LYZL1: variants seen among roughly 807,000 people sequenced by gnomAD.
LYZL1 encodes lysozyme like 1.
LYZL1 carries 16 observed loss-of-function variants against 17.9 expected under a neutral mutation model. That is an observed-to-expected ratio of 0.90 (90% CI 0.61 to 1.36). The LOEUF (loss-of-function observed/expected upper bound fraction) is 1.36, where lower values mean the gene tolerates loss of function less well. Among genes scored for constraint, LYZL1 ranks in the 40% most tolerant of loss-of-function variants. The probability of loss-of-function intolerance (pLI) is 0.00; values close to 1 mark genes in which losing one functional copy is unlikely to be tolerated. For synonymous variants in LYZL1, 58 were observed against 71.8 expected, an observed-to-expected ratio of 0.81 and a Z score of 0.97; for missense variants, 149 against 188.4, an observed-to-expected ratio of 0.79 and a Z score of 1.22.
chr10:29,291,552 T>C (rs1292991280), intron 1 of LYZL1, among the ~76,000 whole-genome samples: 2 of 149,910 alleles, frequency 1.3e-5, no homozygotes, highest in African/African-American at 4.9e-5. Flanking sequence ...ATCCTAAAAA[T>C]GCCCCCTGTG....
At chr10:29,290,906 C>G (rs1485600667) in intron 1 of LYZL1, among the ~76,000 whole-genome samples, 1 of 152,112 alleles carries the variant, frequency 6.6e-6, no homozygotes, top group Non-Finnish European at 1.5e-5. Flanking sequence ...GGAACTGAAT[C>G]AAGAAAAGAA....
At chr10:29,289,317 G>T in intron 1 of LYZL1, 87 bp downstream of exon 1, 1 of 1,097,452 alleles carries the variant, frequency 9.1e-7, no homozygotes. Context: ...TCATTGCTGC[G>T]GGTTTTCTTT....
chr10:29,303,514 A>G (rs899828277), intron 3 of LYZL1, among the ~76,000 whole-genome samples: 1 of 152,206 alleles, frequency 6.6e-6, no homozygotes, highest in Non-Finnish European at 1.5e-5. Flanking sequence ...CTTTAAATGC[A>G]GATTACTAAT....
chr10:29,317,106 T>C (rs929719461), intron 3 of LYZL1, among the ~76,000 whole-genome samples: 1 of 152,146 alleles, frequency 6.6e-6, no homozygotes, highest in Non-Finnish European at 1.5e-5. Context: ...CGACACAAGA[T>C]TTTCCCCACA....
intron 3 of LYZL1, among the ~76,000 whole-genome samples, chr10:29,302,276 A>G (rs1171363662): frequency 6.6e-6 from 1 of 152,238 alleles, no homozygotes; most frequent in Non-Finnish European, 1.5e-5. Context: ...AACAAGAGAT[A>G]CACAGCAAAG....
downstream of LYZL1, chr10:29,311,357 C>A: frequency 2.8e-6 from 2 of 715,724 alleles, no homozygotes; most frequent in Non-Finnish European, 3.9e-6. Flanking sequence ...GTTTCTGTGG[C>A]CCTGAAACTG....
At chr10:29,315,375 G>C (rs139015210), downstream of LYZL1, among the ~76,000 whole-genome samples, 2,557 of 152,140 alleles carry the variant, frequency 0.017, 65 homozygotes, top group African/African-American at 0.057. Context: ...AGACAGGCAT[G>C]GTGGTGAGTG....
chr10:29,317,144 GGA>G (rs552141959), intron 3 of LYZL1, among the ~76,000 whole-genome samples: 1 of 152,222 alleles, frequency 6.6e-6, no homozygotes, highest in East Asian at 1.9e-4. Context: ...ATGACACATA[GGA>G]ACAGCATAAC....
intron 3 of LYZL1, among the ~76,000 whole-genome samples, chr10:29,302,025 T>A (rs1315035474): frequency 1.3e-5 from 2 of 152,202 alleles, no homozygotes; most frequent in African/African-American, 4.8e-5. Context: ...ATTTTATTCA[T>A]GTTTTTCTTG....
intron 3 of LYZL1, among the ~76,000 whole-genome samples, chr10:29,299,145 G>A (rs976802463): frequency 3.3e-5 from 5 of 152,182 alleles, no homozygotes; most frequent in Non-Finnish European, 7.3e-5. Flanking sequence ...TGCTGCCACT[G>A]ATCCAACAGG....
At position 29,309,008 on chromosome 10, in the gene LYZL1, C is replaced by CT. The variant is rs200083424; in HGVS notation, c.299-1100dup. On this transcript the variant is annotated intron_variant, in intron 3 of 4. Coordinates refer to ENST00000649382, the MANE Select transcript of LYZL1 (RefSeq NM_032517.6). The stretch of plus-strand genomic sequence containing the variant: ...TAAAGATAGAGATAGACGTATTTGA[C>CT]TTAAAACTTAAAACTTTTTGCATAT... Among the ~76,000 whole-genome samples the CT allele has an allele frequency of 1.5e-3, 223 of 151,702 alleles. 1 individual carries two copies. The East Asian group carries it at 0.029, about 20-fold the overall frequency.
intron 3 of LYZL1, among the ~76,000 whole-genome samples, chr10:29,308,005 C>CT (rs1431363801): frequency 6.6e-6 from 1 of 152,072 alleles, no homozygotes; most frequent in African/African-American, 2.4e-5. Context: ...ACCCAATTCT[C>CT]TAAAAATCAA....
chr10:29,310,131 C>T lies in LYZL1; in HGVS notation c.320C>T (p.Thr107Ile). 2 of 1,611,864 alleles carry T rather than the reference C, an allele frequency of 1.2e-6. No individual in the cohort carries two copies. The highest frequency in any genetic ancestry group is 1.7e-6 in the Non-Finnish European group (2 of 1,178,058). The change falls in exon 4 of 5, where the codon ACA becomes ATA. Residue 107 changes from threonine (T) to isoleucine (I), a missense_variant. By Grantham distance (89) the Thr-to-Ile change is moderately conservative (BLOSUM62 -1). Transcript: ENST00000649382. ...ACSALITDDL[T>I]DAIICARKIV... Reference sequence around the variant, plus strand: ...ACAGCCTTGATCACTGATGACCTCACAGATGCAATTATCTGTGCCAGGAAA... The same window carrying T: ...ACAGCCTTGATCACTGATGACCTCATAGATGCAATTATCTGTGCCAGGAAA...
intron 2 of LYZL1, 123 bp from the exon 3 acceptor site, chr10:29,292,396 C>T (rs915127623): frequency 1.4e-6 from 2 of 1,450,586 alleles, no homozygotes; most frequent in Non-Finnish European, 1.8e-6. Context: ...CCCGCCCTGC[C>T]CTGCCCAAGG....
chr10:29,311,067 C>G lies in LYZL1; in HGVS notation c.*8C>G, dbSNP rs781152236. The G allele has an allele frequency of 2.5e-6, 4 of 1,614,224 alleles. No homozygotes were observed. The South Asian group carries it at 4.4e-5, about 18-fold the overall frequency. On this transcript the variant is annotated 3_prime_UTR_variant, in exon 5 of 5. Transcript: ENST00000649382. ...GGCTGTGAGGTTTCCTAAACTGGAA[C>G]TGGACCCAGGATGCTTTGCAGCAAC... is the stretch of plus-strand genomic sequence containing the variant.
intron 3 of LYZL1, among the ~76,000 whole-genome samples, chr10:29,306,868 A>G (rs1835604099): frequency 6.9e-6 from 1 of 144,196 alleles, no homozygotes; most frequent in Admixed American, 7.0e-5. Context: ...GAGAGAGAGA[A>G]GAACACTTAA....
At chr10:29,312,625 G>T (rs1835686826), downstream of LYZL1, among the ~76,000 whole-genome samples, 1 of 152,164 alleles carries the variant, frequency 6.6e-6, no homozygotes, top group African/African-American at 2.4e-5. Flanking sequence ...ACCCTCTGAT[G>T]GAAGTCTGGT....
At chr10:29,304,356 A>G (rs1336083034) in intron 3 of LYZL1, among the ~76,000 whole-genome samples, 2 of 152,086 alleles carry the variant, frequency 1.3e-5, no homozygotes, top group East Asian at 3.8e-4. Flanking sequence ...GTGCACTTAT[A>G]TTAATTTTAT....
At chr10:29,290,113 T>G (rs1247922655) in intron 1 of LYZL1, among the ~76,000 whole-genome samples, 1 of 152,150 alleles carries the variant, frequency 6.6e-6, no homozygotes, top group East Asian at 1.9e-4. Flanking sequence ...GGGCCTAGCC[T>G]TTCAATGCAG....
Sources: gnomAD v4.1 joint callset for allele counts (sites outside exome capture counted in the v4.1 genomes callset) on GRCh38, gnomAD v4.1.1 for gene constraint, MANE v1.5 for transcripts, NCBI Gene and HGNC (gene_info 2026-07-23, HGNC 2026-07-21) for gene names.